Variants in GABRB3 observed in about 807,000 individuals in gnomAD.
GABRB3 encodes the protein gamma-aminobutyric acid type A receptor subunit beta3.
A neutral mutation model predicts 52.1 loss-of-function variants in GABRB3; 14 were observed. The observed-to-expected ratio is 0.27, with a 90% CI of 0.18 to 0.42. The LOEUF (loss-of-function observed/expected upper bound fraction) is 0.42, where lower values mean the gene tolerates loss of function less well. Ranked by LOEUF, GABRB3 falls within the 10% of genes least tolerant of loss-of-function variation. GABRB3 has a pLI of 1.00. For synonymous variants in GABRB3, 260 were observed against 232.3 expected (o/e 1.12, Z -1.08); for missense variants, 307 against 609.1 (o/e 0.50, Z 5.22).
Position 26,621,228 on chromosome 15 carries a change from C to A in GABRB3, c.461+86G>T. ...TTCCTAATTTATCTGAGGTCATTGCCTCACTTACAATAATCATCTCAAGTG... is the reference window on the plus strand; with the variant it reads ...TTCCTAATTTATCTGAGGTCATTGCATCACTTACAATAATCATCTCAAGTG... On this transcript the variant is annotated intron_variant, in intron 4 of 8. Coordinates refer to ENST00000311550, the MANE Select transcript of GABRB3 (RefSeq NM_000814.6). This position sits in a 1 kb window ranked among gnomAD's most constrained non-coding sequence, Gnocchi z 4.1. The A allele has an allele frequency of 9.4e-7, 1 of 1,058,692 alleles. No individual in the cohort carries two copies. The highest frequency in any genetic ancestry group is 1.5e-6 in the Non-Finnish European group (1 of 675,306). The allele number at this position is 1,058,692 out of a possible 1,614,324, so 65.6% of individuals were successfully genotyped here.
intron 4 of GABRB3, among the ~76,000 whole-genome samples, chr15:26,604,653 T>TA (rs1323904527): frequency 1.3e-5 from 2 of 152,110 alleles, no homozygotes; most frequent in Non-Finnish European, 2.9e-5. Flanking sequence ...GCTGCCATGA[T>TA]ATACACTGGA....
In GABRB3 at chr15:26,544,654, G is replaced by C. The variant is rs1889161298; in HGVS notation, c.*3139C>G. 6.6e-6 allele frequency: 1 copy of C among 152,172 alleles called. No individual in the cohort carries two copies. Among genetic ancestry groups the C allele is most frequent in the African/African-American group, 2.4e-5 (1 of 41,428 alleles). 9.4% of individuals were successfully genotyped at this position (152,172 alleles called of 1,614,324 possible). ...TCAAGTCTATCAGTCTTTCTCTGTA[G>C]GGAGTTATGTAGCAGGGCTCTTCCA... On this transcript the variant is annotated 3_prime_UTR_variant, in exon 9 of 9. Transcript: ENST00000311550.
chr15:26,736,580 G>A (rs1595559089), intron 3 of GABRB3, among the ~76,000 whole-genome samples: 1 of 152,236 alleles, frequency 6.6e-6, no homozygotes, highest in African/African-American at 2.4e-5. Context: ...GCTGCCCCTC[G>A]GCAGTGAGCC....
At chr15:26,614,168 C>G (rs935993277) in intron 4 of GABRB3, 6 of 152,150 alleles carry the variant, frequency 3.9e-5, no homozygotes, top group Non-Finnish European at 7.3e-5. Context: ...ATAGGGGAGG[C>G]AAAGAATGAG....
At chr15:26,619,004 A>G in intron 4 of GABRB3, among the ~76,000 whole-genome samples, 1 of 145,672 alleles carries the variant, frequency 6.9e-6, no homozygotes, top group Non-Finnish European at 1.5e-5. Context: ...CAATCATTCA[A>G]AAGTCAGGAA....
At chr15:26,594,004 A>ATATATC (rs1566764220) in intron 4 of GABRB3, among the ~76,000 whole-genome samples, 1 of 128,340 alleles carries the variant, frequency 7.8e-6, no homozygotes, top group East Asian at 2.1e-4. Context: ...ATATATATAT[A>ATATATC]ATAGCCATCC....
chr15:26,740,035 G>A (rs1301288792), intron 3 of GABRB3, among the ~76,000 whole-genome samples: 1 of 152,068 alleles, frequency 6.6e-6, no homozygotes, highest in Non-Finnish European at 1.5e-5. Flanking sequence ...TTTAAACAAC[G>A]TGTCAACAAA....
chr15:26,615,677 A>T, intron 4 of GABRB3: 1 of 890,804 alleles, frequency 1.1e-6, no homozygotes, highest in African/African-American at 1.7e-5. Flanking sequence ...AAAGGTCTTC[A>T]TCTAGCCTAG....
chr15:26,651,990 T>TA (rs1887211213), intron 3 of GABRB3, among the ~76,000 whole-genome samples: 1 of 152,104 alleles, frequency 6.6e-6, no homozygotes. Context: ...CTAGGAGAGA[T>TA]TAACTGAGAG....
At chr15:26,607,760 A>G (rs1891892696) in intron 4 of GABRB3, among the ~76,000 whole-genome samples, 1 of 152,230 alleles carries the variant, frequency 6.6e-6, no homozygotes, top group South Asian at 2.1e-4. Flanking sequence ...AATACTTAGG[A>G]ATAAATTTAA....
intron 3 of GABRB3, among the ~76,000 whole-genome samples, chr15:26,725,221 G>A (rs1211017307): frequency 6.6e-6 from 1 of 152,166 alleles, no homozygotes; most frequent in Non-Finnish European, 1.5e-5. Context: ...AGCCTTGTGA[G>A]GAGTTTCAAC....
chr15:26,566,547 G>A (rs1043650738), intron 7 of GABRB3, among the ~76,000 whole-genome samples: 2 of 152,080 alleles, frequency 1.3e-5, no homozygotes, highest in African/African-American at 4.8e-5. Flanking sequence ...GACACATGGC[G>A]AAACCCCATC....
intron 3 of GABRB3, among the ~76,000 whole-genome samples, chr15:26,633,007 G>A (rs747765289): frequency 3.2e-4 from 49 of 152,056 alleles, no homozygotes; most frequent in Non-Finnish European, 5.4e-4. Flanking sequence ...ATTCTACAGC[G>A]AGTATACACC....
chr15:26,744,852 T>A (rs1249137329), intron 3 of GABRB3, among the ~76,000 whole-genome samples: 1 of 152,240 alleles, frequency 6.6e-6, no homozygotes, highest in African/African-American at 2.4e-5. Context: ...TTTATATAAG[T>A]GTATACGTGT....
chr15:26,652,209 T>A (rs1256546913), intron 3 of GABRB3, among the ~76,000 whole-genome samples: 1 of 152,232 alleles, frequency 6.6e-6, no homozygotes, highest in African/African-American at 2.4e-5. Context: ...AACCCACCTA[T>A]GACTTGCAAG....
At chr15:26,611,512 A>G (rs893878939) in intron 4 of GABRB3, among the ~76,000 whole-genome samples, 1 of 152,168 alleles carries the variant, frequency 6.6e-6, no homozygotes, top group Admixed American at 6.5e-5. Flanking sequence ...TGAATAAAAG[A>G]ATAACTTTTG....
intron 3 of GABRB3, among the ~76,000 whole-genome samples, chr15:26,718,549 C>T (rs137974847): frequency 2.6e-5 from 4 of 152,304 alleles, no homozygotes; most frequent in Non-Finnish European, 5.9e-5. Context: ...AGAATCCATA[C>T]TAACGCTGCA....
intron 7 of GABRB3, among the ~76,000 whole-genome samples, chr15:26,562,611 T>A (rs1453612389): frequency 6.6e-6 from 1 of 152,220 alleles, no homozygotes; most frequent in Non-Finnish European, 1.5e-5. Flanking sequence ...TTGAATTTAC[T>A]AAGCATTCCA....
At chr15:26,647,108 G>T (rs988837692) in intron 3 of GABRB3, among the ~76,000 whole-genome samples, 1 of 152,184 alleles carries the variant, frequency 6.6e-6, no homozygotes, top group African/African-American at 2.4e-5. Flanking sequence ...CTCTCAAAGT[G>T]CTGGGATTAC....
Sources: allele counts gnomAD v4.1 joint callset (sites outside exome capture counted in the v4.1 genomes callset), GRCh38; gene constraint gnomAD v4.1.1; non-coding constraint Gnocchi (gnomAD v3.1); transcripts MANE v1.5; gene names NCBI Gene and HGNC (gene_info 2026-07-23, HGNC 2026-07-21).